LMTK3: variants seen among roughly 807,000 people sequenced by gnomAD.
LMTK3 encodes the protein serine/threonine-protein kinase LMTK3.
In LMTK3, 27 loss-of-function variants were observed where a neutral mutation model predicts 116.7. That is an observed-to-expected ratio of 0.23 (90% CI 0.17 to 0.32). The LOEUF (loss-of-function observed/expected upper bound fraction) is 0.32, where lower values mean the gene tolerates loss of function less well. Ranked by LOEUF, LMTK3 falls within the 10% of genes least tolerant of loss-of-function variation. The probability of loss-of-function intolerance (pLI) is 1.00; values close to 1 mark genes in which losing one functional copy is unlikely to be tolerated. For synonymous variants in LMTK3, 965 were observed against 971.0 expected (o/e 0.99, Z 0.11); for missense variants, 1,764 against 2,068.5 (o/e 0.85, Z 2.86).
At position 48,491,250 on chromosome 19, in the gene LMTK3, G is replaced by A. The variant is rs777825271; in HGVS notation, c.4229-5C>T. ...CCGCCCACTCGAAACTGCCTCCTGC[G>A]GCAGAAGGAAAGACCGCGGTCAGGC... On this transcript the variant is annotated splice_polypyrimidine_tract_variant and splice_region_variant and intron_variant, in intron 13 of 14. Transcript: ENST00000600059. The surrounding 1 kb of genome is among the most constrained non-coding windows in gnomAD (Gnocchi z 5.1). 8 of 1,400,730 alleles carry A rather than the reference G, an allele frequency of 5.7e-6. No individual in the cohort carries two copies. The South Asian group carries it at 8.3e-5, about 14-fold the overall frequency. The allele number at this position is 1,400,730 out of a possible 1,614,324, so 86.8% of individuals were successfully genotyped here.
intron 6 of LMTK3, 129 bp downstream of exon 6, chr19:48,502,780 A>T (rs775949437): frequency 7.3e-5 from 62 of 853,278 alleles, no homozygotes; most frequent in Non-Finnish European, 1.1e-4. Flanking sequence ...CACTCATGAA[A>T]TGTTAGCGCA....
chr19:48,505,103 C>CTCTCTTTT (rs1555901916), intron 5 of LMTK3, among the ~76,000 whole-genome samples: 8 of 55,574 alleles, frequency 1.4e-4, no homozygotes, highest in Non-Finnish European at 1.8e-4. Flanking sequence ...CTCTCTCTCT[C>CTCTCTTTT]TTTTTTTTTT....
At position 48,498,814 on chromosome 19, in the gene LMTK3, G is replaced by A. The variant is rs1972394502; in HGVS notation, c.2255C>T (p.Ala752Val). 1 of 1,167,510 alleles carries A rather than the reference G, an allele frequency of 8.6e-7. No individual in the cohort carries two copies. The highest frequency in any genetic ancestry group is 1.1e-6 in the Non-Finnish European group (1 of 899,056). The allele number at this position is 1,167,510 out of a possible 1,614,324, so 72.3% of individuals were successfully genotyped here. Residue 752 changes from alanine to valine, a missense_variant, in exon 11 of 15, where the codon GCT becomes GTT. Coordinates refer to ENST00000600059, the MANE Select transcript of LMTK3 (RefSeq NM_001388485.1). ...AGGAGGTGGCGGCGGGGGGGGGGGAGCGGGAGGTGGCCCCCGCCCGGGGTA... is the reference window on the plus strand; with the variant it reads ...AGGAGGTGGCGGCGGGGGGGGGGGAACGGGAGGTGGCCCCCGCCCGGGGTA... The part of the protein sequence containing the change: ...PQYPGRGPPP[A>V]PPPPPPPPRA...
Position 48,498,709 on chromosome 19 carries a change from C to T in LMTK3, c.2360G>A (p.Gly787Asp). 1 of 1,533,782 alleles carries T rather than the reference C, an allele frequency of 6.5e-7. No individual in the cohort carries two copies. Among genetic ancestry groups the T allele is most frequent in the Non-Finnish European group, 8.7e-7 (1 of 1,145,410 alleles). ...GTAGCCGCTGTCCCCCGGCTTGGGG[C>T]CCGGCGACGAGAGGCCTGAACCGGG... The part of the protein sequence containing the change: ...ASPGSGLSSP[G>D]PKPGDSGYET... The change falls in exon 11 of 15, where the codon GGC becomes GAC. Residue 787 changes from glycine (G) to aspartate (D), a missense_variant. Gly to Asp is a moderately conservative substitution (Grantham distance 94, BLOSUM62 -1). Coordinates refer to ENST00000600059, the MANE Select transcript of LMTK3 (RefSeq NM_001388485.1).
At chr19:48,489,588 T>G (rs1230684959) in intron 14 of LMTK3, among the ~76,000 whole-genome samples, 1 of 152,078 alleles carries the variant, frequency 6.6e-6, no homozygotes, top group African/African-American at 2.4e-5. Flanking sequence ...ACTAACTAAC[T>G]AAATAATAAT....
At chr19:48,493,673 G>T in intron 12 of LMTK3, 21 bp downstream of exon 12, 1 of 1,550,622 alleles carries the variant, frequency 6.4e-7, no homozygotes, top group South Asian at 1.2e-5. Flanking sequence ...CCCCGAAACC[G>T]CGCCCTCTCG....
chr19:48,511,615 T>C lies in LMTK3; in HGVS notation c.-39A>G. On this transcript the variant is annotated 5_prime_UTR_variant, in exon 1 of 15. Transcript: ENST00000600059. Reference sequence around the variant, plus strand: ...GCAGGGAGGTGGAGGTGGTGGCGGCTGGGGAGGAGGGGGGGGCGGGCCCTC... The same window carrying C: ...GCAGGGAGGTGGAGGTGGTGGCGGCCGGGGAGGAGGGGGGGGCGGGCCCTC... 1.9e-5 allele frequency: 2 copies of C among 105,652 alleles called. No homozygotes were observed. The highest frequency in any genetic ancestry group is 3.4e-5 in the Non-Finnish European group (2 of 58,344). 6.5% of individuals were successfully genotyped at this position (105,652 alleles called of 1,614,324 possible).
chr19:48,491,625 A>C lies in LMTK3; in HGVS notation c.4093-86T>G. Reference sequence around the variant, plus strand: ...TCCCCCAAAAGCAACAAAACCGGCTAATATTTCTGGGGCTCTAGGAATCCC... The same window carrying C: ...TCCCCCAAAAGCAACAAAACCGGCTCATATTTCTGGGGCTCTAGGAATCCC... On this transcript the variant is annotated intron_variant, in intron 12 of 14. Coordinates refer to ENST00000600059, the MANE Select transcript of LMTK3 (RefSeq NM_001388485.1). The surrounding 1 kb of genome is among the most constrained non-coding windows in gnomAD (Gnocchi z 5.1). 1.7e-6 allele frequency: 2 copies of C among 1,179,076 alleles called. No individual in the cohort carries two copies. Among genetic ancestry groups the C allele is most frequent in the Non-Finnish European group, 1.1e-6 (1 of 920,104 alleles). 73.0% of individuals were successfully genotyped at this position (1,179,076 alleles called of 1,614,324 possible).
rs1003690738 is a variant in LMTK3, at chr19:48,509,946, C to A, written c.361+77G>T. 1.1e-5 allele frequency: 17 copies of A among 1,541,432 alleles called. No individual in the cohort carries two copies. The African/African-American group carries it at 2.2e-4, about 20-fold the overall frequency. ...TGCCGCTGGTCTCAACCGCCCCAGC[C>A]CCTGAAGGAACACACTCAACATCTT... On this transcript the variant is annotated intron_variant, in intron 3 of 14. Coordinates refer to ENST00000600059, the MANE Select transcript of LMTK3 (RefSeq NM_001388485.1).
intron 5 of LMTK3, among the ~76,000 whole-genome samples, chr19:48,503,368 A>G (rs1015307547): frequency 6.6e-6 from 1 of 151,614 alleles, no homozygotes; most frequent in Non-Finnish European, 1.5e-5. Flanking sequence ...TTTTGATCTC[A>G]GTTTCCTCAC....
In LMTK3 at chr19:48,498,275, C is replaced by T; in HGVS notation, c.2794G>A (p.Gly932Arg). The change falls in exon 11 of 15, where the codon GGG becomes AGG. Residue 932 changes from glycine to arginine, a missense_variant. Transcript: ENST00000600059. ...PVNGVTVLENGDQRAPGIEEK... is the reference protein window; with the variant it reads ...PVNGVTVLENRDQRAPGIEEK... Reference sequence around the variant, plus strand: ...TCGATGCCTGGGGCTCTCTGGTCCCCGTTCTCCAGCACTGTCACCCCGTTC... The same window carrying T: ...TCGATGCCTGGGGCTCTCTGGTCCCTGTTCTCCAGCACTGTCACCCCGTTC... 6.2e-7 allele frequency: 1 copy of T among 1,613,420 alleles called. No homozygotes were observed. Among genetic ancestry groups the T allele is most frequent in the Non-Finnish European group, 8.5e-7 (1 of 1,179,766 alleles).
At chr19:48,513,491 C>G, upstream of LMTK3, 1 of 347,276 alleles carries the variant, frequency 2.9e-6, no homozygotes, top group Non-Finnish European at 5.3e-6. This position sits in a 1 kb window ranked among gnomAD's most constrained non-coding sequence, Gnocchi z 5.6. Flanking sequence ...CGTGCCAGGC[C>G]GCCGCCGTCT....
chr19:48,500,081 A>G lies in LMTK3; in HGVS notation c.1152-164T>C, dbSNP rs950548842. Among the ~76,000 whole-genome samples, 12 of 151,718 alleles carry G rather than the reference A, an allele frequency of 7.9e-5. No homozygotes were observed. The highest frequency in any genetic ancestry group is 2.9e-4 in the African/African-American group (12 of 41,292). ...CAGAGAGAGGGGGACAGAGACCCAG[A>G]GACAGAGGGACAGAGATCCAGAGAC... On this transcript the variant is annotated intron_variant, in intron 10 of 14. Transcript: ENST00000600059. The surrounding 1 kb of genome is among the most constrained non-coding windows in gnomAD (Gnocchi z 4.0).
Position 48,489,758 on chromosome 19 carries a change from C to T in LMTK3, c.4366+1350G>A, listed in dbSNP as rs1013479441. Among the ~76,000 whole-genome samples the T allele has an allele frequency of 1.3e-5, 2 of 152,192 alleles. 1 individual carries two copies. Among genetic ancestry groups the T allele is most frequent in the African/African-American group, 4.8e-5 (2 of 41,442 alleles). Reference sequence around the variant, plus strand: ...AAGCACAGAGAGGGAAAGCGACTTGCCCCAGGTCACACAGCTAAGAAATGG... The same window carrying T: ...AAGCACAGAGAGGGAAAGCGACTTGTCCCAGGTCACACAGCTAAGAAATGG... On this transcript the variant is annotated intron_variant, in intron 14 of 14. Transcript: ENST00000600059.
At position 48,499,702 on chromosome 19, in the gene LMTK3, C is replaced by T. The variant is rs1425821547; in HGVS notation, c.1367G>A (p.Gly456Asp). The T allele has an allele frequency of 6.5e-7, 1 of 1,527,660 alleles. No individual in the cohort carries two copies. The highest frequency in any genetic ancestry group is 2.1e-5 in the Admixed American group (1 of 46,632). The allele number at this position is 1,527,660 out of a possible 1,614,324, so 94.6% of individuals were successfully genotyped here. Residue 456 changes from glycine to aspartate, a missense_variant, in exon 11 of 15, where the codon GGC becomes GAC. By Grantham distance (94) the Gly-to-Asp change is moderately conservative. Transcript: ENST00000600059. The part of the protein sequence containing the change: ...TLSSPFPLLD[G>D]FPGADPDDVL... ...ATCGTCGGGGTCGGCTCCAGGGAAG[C>T]CATCCAGTAGGGGGAACGGTGAGGA...
intron 1 of LMTK3, 85 bp downstream of exon 1, chr19:48,511,405 TGACGGGGCAGG>T (rs1228202062): frequency 2.4e-5 from 11 of 450,032 alleles, no homozygotes; most frequent in Non-Finnish European, 4.0e-5. Flanking sequence ...GCGCACCAGG[TGACGGGGCAGG>T]ACCCGCAGAC....
intron 1 of LMTK3, among the ~76,000 whole-genome samples, chr19:48,510,821 C>A (rs1470338135): frequency 3.3e-5 from 5 of 152,076 alleles, no homozygotes; most frequent in Non-Finnish European, 7.4e-5. Flanking sequence ...AAACTGGGAC[C>A]CCCGCCACCT....
In LMTK3 at chr19:48,491,674, G is replaced by T; in HGVS notation, c.4093-135C>A. The T allele has an allele frequency of 2.4e-6, 2 of 827,004 alleles. No homozygotes were observed. Among genetic ancestry groups the T allele is most frequent in the Non-Finnish European group, 3.3e-6 (2 of 611,534 alleles). 51.2% of individuals were successfully genotyped at this position (827,004 alleles called of 1,614,324 possible). A position where few individuals can be genotyped will look rare whatever the true frequency, so the allele number is the denominator to read the frequency against. On this transcript the variant is annotated intron_variant, in intron 12 of 14. Transcript: ENST00000600059. This position sits in a 1 kb window ranked among gnomAD's most constrained non-coding sequence, Gnocchi z 5.1. ...CCAATTTGTAATCACTGACTCGCAC[G>T]CTCTGGAGAGGTGGCTGGAGCCCCT...
At position 48,498,562 on chromosome 19, in the gene LMTK3, G is replaced by A; in HGVS notation, c.2507C>T (p.Pro836Leu). 2 of 1,559,166 alleles carry A rather than the reference G, an allele frequency of 1.3e-6. No homozygotes were observed. Among genetic ancestry groups the A allele is most frequent in the Non-Finnish European group, 1.7e-6 (2 of 1,151,786 alleles). The change falls in exon 11 of 15, where the codon CCT becomes CTT. Residue 836 changes from proline to leucine, a missense_variant. Transcript: ENST00000600059. ...GAGTGGGAGCGGACCCGGGTCTGGA[G>A]GTGGCCGGGGCGCTCCTGGGTCGGG... ...EPPDPGAPRP[P>L]PDPGPLPLPG... is the part of the protein sequence containing the mutation.
Sources: gnomAD v4.1 joint callset for allele counts (sites outside exome capture counted in the v4.1 genomes callset) on GRCh38, gnomAD v4.1.1 for gene constraint, Gnocchi (gnomAD v3.1) non-coding constraint, MANE v1.5 for transcripts, NCBI Gene and HGNC (gene_info 2026-07-23, HGNC 2026-07-21) for gene names.